LRFN5: variants seen among roughly 807,000 people sequenced by gnomAD.
LRFN5 encodes the protein leucine rich repeat and fibronectin type III domain containing 5, also known as leucine-rich repeat and fibronectin type-III domain-containing protein 5.
Under a neutral mutation model 45.6 loss-of-function variants are expected in LRFN5, and 24 were observed. The observed-to-expected ratio is 0.53, with a 90% CI of 0.38 to 0.74. LRFN5 has a LOEUF of 0.74. LRFN5 is among the 30% of genes least tolerant of loss of function. The pLI is 0.00. For synonymous variants in LRFN5, 340 were observed against 313.8 expected, an observed-to-expected ratio of 1.08 and a Z score of -0.88; for missense variants, 776 against 861.5, an observed-to-expected ratio of 0.90 and a Z score of 1.24.
intron 4 of LRFN5, among the ~76,000 whole-genome samples, chr14:41,898,374 G>A (rs1891005103): frequency 6.6e-6 from 1 of 152,040 alleles, no homozygotes. Flanking sequence ...GAATGTTAGT[G>A]TCTTACATAG....
At chr14:41,831,869 G>C (rs560295412) in intron 2 of LRFN5, among the ~76,000 whole-genome samples, 2 of 152,094 alleles carry the variant, frequency 1.3e-5, no homozygotes, top group Non-Finnish European at 2.9e-5. Flanking sequence ...AGGCTAGGAA[G>C]TTCAAGATCA....
intron 2 of LRFN5, among the ~76,000 whole-genome samples, chr14:41,782,973 G>GTTTTTT (rs1594704975): frequency 8.9e-5 from 2 of 22,466 alleles, no homozygotes; most frequent in African/African-American, 3.7e-4. Context: ...TGGTGATACA[G>GTTTTTT]CTTTTTTTTT....
chr14:41,801,396 A>G (rs1347781163), intron 2 of LRFN5, among the ~76,000 whole-genome samples: 1 of 152,178 alleles, frequency 6.6e-6, no homozygotes, highest in Non-Finnish European at 1.5e-5. Flanking sequence ...TCATTTTGAA[A>G]TTAGTATTCG....
intron 5 of LRFN5, 45 bp from the exon 6 acceptor site, chr14:41,904,113 C>A: frequency 6.7e-7 from 1 of 1,482,006 alleles, no homozygotes; most frequent in South Asian, 1.2e-5. Context: ...TTCTTTCTTT[C>A]TTCCTTTCTT....
chr14:41,780,564 G>A (rs1886445573), intron 2 of LRFN5, among the ~76,000 whole-genome samples: 1 of 151,436 alleles, frequency 6.6e-6, no homozygotes, highest in Non-Finnish European at 1.5e-5. Flanking sequence ...TAATCAATGT[G>A]TTCTTAATTT....
At chr14:41,675,511 G>A (rs969856838) in intron 1 of LRFN5, among the ~76,000 whole-genome samples, 12 of 152,210 alleles carry the variant, frequency 7.9e-5, no homozygotes, top group Admixed American at 6.5e-4. Context: ...GCTGAGGCAG[G>A]AGAATCAGGC....
At chr14:41,751,041 C>T (rs1482476728) in intron 1 of LRFN5, among the ~76,000 whole-genome samples, 1 of 151,896 alleles carries the variant, frequency 6.6e-6, no homozygotes, top group Non-Finnish European at 1.5e-5. Context: ...TCTCATTGTT[C>T]ACCTCCCACT....
intron 2 of LRFN5, among the ~76,000 whole-genome samples, chr14:41,822,910 T>C (rs572517912): frequency 6.6e-6 from 1 of 151,056 alleles, no homozygotes; most frequent in South Asian, 2.1e-4. Flanking sequence ...ATCTTCTGTG[T>C]CTTGTTTTAA....
Position 41,626,862 on chromosome 14 carries a change from A to T in LRFN5, c.-197+18300A>T, listed in dbSNP as rs570524314. Among the ~76,000 whole-genome samples the T allele has an allele frequency of 8.9e-4, 136 of 152,184 alleles. 1 individual carries two copies. Among genetic ancestry groups the T allele is most frequent in the Non-Finnish European group, 1.5e-3 (105 of 67,920 alleles). On this transcript the variant is annotated intron_variant, in intron 1 of 5. Coordinates refer to ENST00000298119, the MANE Select transcript of LRFN5 (RefSeq NM_152447.5). ...TGCTATTCTAGAAAATTAATAATAG[A>T]AAAAAACACTGAATTCCACATTAAC...
In LRFN5 at chr14:41,883,819, A is replaced by G. The variant is rs1235311222; in HGVS notation, c.-20-2787A>G. On this transcript the variant is annotated intron_variant, in intron 2 of 5. Transcript: ENST00000298119. ...CATTGTGTTGAGCTTGGATTTATAG[A>G]TTTTTTTTAATAACATTCAACAAAT... Among the ~76,000 whole-genome samples, 11 of 151,870 alleles carry G rather than the reference A, an allele frequency of 7.2e-5. No individual in the cohort carries two copies. In the East Asian group the frequency reaches 2.1e-3, roughly 29 times the overall value.
chr14:41,649,324 G>A (rs1303322089), intron 1 of LRFN5, among the ~76,000 whole-genome samples: 1 of 148,636 alleles, frequency 6.7e-6, no homozygotes, highest in Non-Finnish European at 1.5e-5. Flanking sequence ...TTGAGAAAAT[G>A]ATAAATTGTT....
intron 1 of LRFN5, among the ~76,000 whole-genome samples, chr14:41,735,199 T>C (rs1012048622): frequency 2.0e-5 from 3 of 152,206 alleles, no homozygotes; most frequent in African/African-American, 7.2e-5. Flanking sequence ...TAACATTTCT[T>C]ATACAAATAA....
At chr14:41,870,927 G>A (rs1415102473) in intron 2 of LRFN5, among the ~76,000 whole-genome samples, 4 of 151,820 alleles carry the variant, frequency 2.6e-5, no homozygotes, top group Non-Finnish European at 4.4e-5. Flanking sequence ...TTTTATGACT[G>A]TCTTATATTA....
rs145720358 is a variant in LRFN5 at position 41,623,575 on chromosome 14, G to A, written c.-197+15013G>A. ...AAACGTGGTTCAGTTGCTTGTGTAT[G>A]CAGTCTATATTAAGTGGTTTTAAGA... is the stretch of plus-strand genomic sequence containing the variant. On this transcript the variant is annotated intron_variant, in intron 1 of 5. Coordinates refer to ENST00000298119, the MANE Select transcript of LRFN5 (RefSeq NM_152447.5). Among the ~76,000 whole-genome samples, 31 of 152,200 alleles carry A rather than the reference G, an allele frequency of 2.0e-4. No individual in the cohort carries two copies. In the East Asian group the frequency reaches 6.0e-3, roughly 29 times the overall value.
intron 1 of LRFN5, among the ~76,000 whole-genome samples, chr14:41,658,624 C>G (rs563813733): frequency 2.6e-5 from 4 of 151,838 alleles, no homozygotes; most frequent in African/African-American, 9.7e-5. Context: ...GCCAATGATA[C>G]GCAATTATCC....
intron 1 of LRFN5, among the ~76,000 whole-genome samples, chr14:41,627,416 T>A (rs373464396): frequency 6.6e-6 from 1 of 152,162 alleles, no homozygotes; most frequent in Admixed American, 6.5e-5. Context: ...AGGGCCTTTT[T>A]CTTAATCTTT....
At chr14:41,746,817 C>T (rs150783781) in intron 1 of LRFN5, among the ~76,000 whole-genome samples, 61 of 152,088 alleles carry the variant, frequency 4.0e-4, no homozygotes, top group Middle Eastern at 3.4e-3. Flanking sequence ...AGAAAATACA[C>T]ACCTGAAAGC....
intron 2 of LRFN5, among the ~76,000 whole-genome samples, chr14:41,844,927 A>G (rs1287359389): frequency 6.6e-6 from 1 of 152,180 alleles, no homozygotes; most frequent in Non-Finnish European, 1.5e-5. Context: ...TTTGAATATG[A>G]CTTATTTTCC....
At chr14:41,727,645 T>A (rs994088652) in intron 1 of LRFN5, among the ~76,000 whole-genome samples, 2 of 151,692 alleles carry the variant, frequency 1.3e-5, no homozygotes, top group African/African-American at 2.4e-5. Context: ...ATAAATATAT[T>A]TTTAAAATAA....
Sources: allele counts gnomAD v4.1 joint callset (sites outside exome capture counted in the v4.1 genomes callset), GRCh38; gene constraint gnomAD v4.1.1; transcripts MANE v1.5; gene names NCBI Gene and HGNC (gene_info 2026-07-23, HGNC 2026-07-21).